Variants in CFAP299 observed in about 807,000 individuals in gnomAD.
CFAP299 encodes the protein cilia- and flagella-associated protein 299.
In CFAP299, 21 loss-of-function variants were observed where a neutral mutation model predicts 27.0. That is an observed-to-expected ratio of 0.78 (90% CI 0.55 to 1.12). The LOEUF (loss-of-function observed/expected upper bound fraction) is 1.12. Among genes scored for constraint, CFAP299 ranks in the 50% most tolerant of loss-of-function variants. The pLI is 0.00. For missense variants in CFAP299, 310 were observed against 276.6 expected (o/e 1.12, Z -0.86); for synonymous variants, 104 against 98.1 (o/e 1.06, Z -0.36).
At chr4:80,419,570 A>C (rs1463140459) in intron 2 of CFAP299, among the ~76,000 whole-genome samples, 1 of 152,252 alleles carries the variant, frequency 6.6e-6, no homozygotes, top group East Asian at 1.9e-4. Context: ...TTGGAAGCCT[A>C]CCTTTCCCTA....
intron 3 of CFAP299, among the ~76,000 whole-genome samples, chr4:80,825,163 A>G (rs1034509563): frequency 1.5e-4 from 23 of 151,956 alleles, no homozygotes; most frequent in Admixed American, 6.6e-5. Flanking sequence ...GCAAATTTCA[A>G]CAAGCAGAAG....
intron 3 of CFAP299, among the ~76,000 whole-genome samples, chr4:80,864,097 C>G (rs1461529446): frequency 1.3e-5 from 2 of 151,898 alleles, no homozygotes; most frequent in Admixed American, 1.3e-4. Context: ...TATTGTGCAA[C>G]TCCATAAATT....
At chr4:80,658,422 T>C (rs1740672497) in intron 3 of CFAP299, among the ~76,000 whole-genome samples, 1 of 152,186 alleles carries the variant, frequency 6.6e-6, no homozygotes, top group African/African-American at 2.4e-5. Flanking sequence ...GCCTAGTTTA[T>C]TGAGAGTTTT....
intron 2 of CFAP299, among the ~76,000 whole-genome samples, chr4:80,538,497 C>T (rs575886639): frequency 2.6e-5 from 4 of 151,668 alleles, no homozygotes; most frequent in African/African-American, 9.7e-5. Flanking sequence ...ACTGACTCAC[C>T]GAGAGCAACT....
Position 80,880,727 on chromosome 4 carries a change from A to AAAAAT in CFAP299, c.476+10618_476+10622dup, listed in dbSNP as rs936322817. On this transcript the variant is annotated intron_variant, in intron 4 of 5. Transcript: ENST00000358105. ...GGTGACAGAGCGAGACTCCGTCTCAAAAAATAAAATAAAATAAAATAAAAT... is the reference window on the plus strand; with the variant it reads ...GGTGACAGAGCGAGACTCCGTCTCAAAAAATAAAATAAAATAAAATAAAATAAAAT... Among the ~76,000 whole-genome samples, 84 of 146,328 alleles carry AAAAAT rather than the reference A, an allele frequency of 5.7e-4. 1 individual carries two copies. The highest frequency in any genetic ancestry group is 2.0e-3 in the African/African-American group (72 of 36,484).
intron 3 of CFAP299, among the ~76,000 whole-genome samples, chr4:80,597,967 AT>A (rs1737143727): frequency 6.6e-6 from 1 of 152,186 alleles, no homozygotes; most frequent in Non-Finnish European, 1.5e-5. Context: ...GATTATAGGC[AT>A]GAGCCGCCGT....
chr4:80,417,841 C>G (rs1175014137), intron 2 of CFAP299, among the ~76,000 whole-genome samples: 1 of 151,640 alleles, frequency 6.6e-6, no homozygotes, highest in Non-Finnish European at 1.5e-5. Context: ...TTCACCATCC[C>G]AGGCCCTTTT....
intron 2 of CFAP299, among the ~76,000 whole-genome samples, chr4:80,490,921 G>C (rs763055030): frequency 2.2e-4 from 33 of 151,178 alleles, no homozygotes; most frequent in Non-Finnish European, 4.0e-4. Context: ...TCTTGGAACA[G>C]GATTATGTGT....
the CFAP299 span, among the ~76,000 whole-genome samples, chr4:80,329,208 C>CATATATATATATATATATAT: frequency 6.2e-4 from 84 of 136,026 alleles, 1 homozygote; most frequent in African/African-American, 2.3e-3. Context: ...ACACTGTATA[C>CATATATATATATATATATAT]ATATATATAT....
At chr4:80,368,939 A>C (rs1297966368) in intron 2 of CFAP299, among the ~76,000 whole-genome samples, 4 of 85,008 alleles carry the variant, frequency 4.7e-5, no homozygotes, top group Non-Finnish European at 2.3e-5. Flanking sequence ...GGAGTGCACA[A>C]GGTTTGTTGA....
chr4:80,715,312 T>A (rs1239340876), intron 3 of CFAP299, among the ~76,000 whole-genome samples: 1 of 152,054 alleles, frequency 6.6e-6, no homozygotes, highest in Non-Finnish European at 1.5e-5. Flanking sequence ...TAACCCAACC[T>A]TGTTTAAGAG....
rs902758892 is a variant in CFAP299, at chr4:80,743,221, C to T, written c.334-126772C>T. ...GACCAGCCTGGCCAACATGGTGAAA[C>T]CCTGTCTCTACTAAAAATACAAAAA... On this transcript the variant is annotated intron_variant, in intron 3 of 5. Coordinates refer to ENST00000358105, the MANE Select transcript of CFAP299 (RefSeq NM_152770.3). 3.3e-5 allele frequency among the ~76,000 whole-genome samples: 5 copies of T among 151,550 alleles called. No homozygotes were observed. In the East Asian group the frequency reaches 7.7e-4, roughly 23 times the overall value.
chr4:80,329,080 TGC>T, the CFAP299 span, among the ~76,000 whole-genome samples: 3 of 152,018 alleles, frequency 2.0e-5, no homozygotes, highest in East Asian at 5.8e-4. Context: ...TTTCTTTTTT[TGC>T]GATTTTTCTT....
At chr4:80,707,843 C>T (rs1194886904) in intron 3 of CFAP299, among the ~76,000 whole-genome samples, 1 of 151,968 alleles carries the variant, frequency 6.6e-6, no homozygotes, top group East Asian at 1.9e-4. Flanking sequence ...ATGAGTATTC[C>T]ATTGTAGTTC....
At chr4:80,960,639 A>G (rs975613121) in intron 5 of CFAP299, among the ~76,000 whole-genome samples, 4 of 151,860 alleles carry the variant, frequency 2.6e-5, no homozygotes, top group African/African-American at 7.2e-5. Context: ...TCTCTTTGAA[A>G]CACAAAAGGA....
At chr4:80,705,000 A>G (rs755933944) in intron 3 of CFAP299, among the ~76,000 whole-genome samples, 25 of 151,762 alleles carry the variant, frequency 1.6e-4, no homozygotes, top group Non-Finnish European at 3.5e-4. Context: ...GGCCTTTACT[A>G]TAGGATAAAG....
At chr4:80,373,454 C>T (rs72873882) in intron 2 of CFAP299, among the ~76,000 whole-genome samples, 21,504 of 152,088 alleles carry the variant, frequency 0.14, 1,848 homozygotes, top group East Asian at 0.25. Flanking sequence ...CATATTTAGT[C>T]AACAAGTTCT....
At chr4:80,355,539 A>G (rs181174520) in intron 1 of CFAP299, among the ~76,000 whole-genome samples, 1 of 151,978 alleles carries the variant, frequency 6.6e-6, no homozygotes, top group Non-Finnish European at 1.5e-5. Context: ...TTGTATTTTT[A>G]GTAGAGACTG....
chr4:80,731,317 C>T (rs1723509376), intron 3 of CFAP299, among the ~76,000 whole-genome samples: 1 of 152,164 alleles, frequency 6.6e-6, no homozygotes, highest in Non-Finnish European at 1.5e-5. Context: ...CAAAAACAGG[C>T]ACAGTAAAAT....
Sources: gnomAD v4.1 joint callset for allele counts (sites outside exome capture counted in the v4.1 genomes callset) on GRCh38, gnomAD v4.1.1 for gene constraint, MANE v1.5 for transcripts, NCBI Gene and HGNC (gene_info 2026-07-23, HGNC 2026-07-21) for gene names.